LGALS12: variants seen among roughly 807,000 people sequenced by gnomAD.
The protein encoded by LGALS12 is galectin-12.
A neutral mutation model predicts 36.8 loss-of-function variants in LGALS12; 36 were observed. That is an observed-to-expected ratio of 0.98 (90% confidence interval 0.75 to 1.29). The LOEUF is 1.29. Ranked by LOEUF, LGALS12 falls within the 50% of genes most tolerant of loss-of-function variation. The probability of loss-of-function intolerance (pLI) is 0.00; values close to 1 mark genes in which losing one functional copy is unlikely to be tolerated. For missense variants in LGALS12, 366 were observed against 394.3 expected (o/e 0.93, Z 0.61); for synonymous variants, 145 against 155.9 (o/e 0.93, Z 0.52).
intron 1 of LGALS12, chr11:63,508,115 T>G: frequency 9.7e-7 from 1 of 1,028,724 alleles, no homozygotes; most frequent in Non-Finnish European, 1.2e-6. Context: ...CATTTCAGAG[T>G]TAGCTGTCAG....
At chr11:63,510,035 G>A (rs1348633124) in intron 4 of LGALS12, 138 bp downstream of exon 4, 2 of 1,082,182 alleles carry the variant, frequency 1.8e-6, no homozygotes, top group Admixed American at 5.6e-5. Context: ...CAAGGGGGAG[G>A]GAGTCCACTG....
At chr11:63,514,576 A>G (rs11231510) in intron 7 of LGALS12, among the ~76,000 whole-genome samples, 24,746 of 152,098 alleles carry the variant, frequency 0.16, 2,195 homozygotes, top group South Asian at 0.27. Context: ...TCTCAAAAAA[A>G]TAAAATAAAA....
At chr11:63,508,245 C>T in intron 1 of LGALS12, 1 of 1,221,006 alleles carries the variant, frequency 8.2e-7, no homozygotes, top group Non-Finnish European at 1.0e-6. Flanking sequence ...GATGGCAAGC[C>T]TCCCTGGGGT....
intron 8 of LGALS12, 100 bp from the exon 9 acceptor site, chr11:63,516,147 G>C (rs555698703): frequency 7.0e-7 from 1 of 1,435,218 alleles, no homozygotes; most frequent in East Asian, 2.3e-5. Context: ...TCCAGTCTTC[G>C]TGTCCTATGA....
chr11:63,506,598 T>C lies in LGALS12; in HGVS notation c.69+71T>C, dbSNP rs2016750081. On this transcript the variant is annotated intron_variant, in intron 1 of 8. Coordinates refer to ENST00000394618, the MANE Select transcript of LGALS12 (RefSeq NM_033101.4). ...TCCCTTCCAACTGGGCCCACACTCCTGGGTGGTGGGGTGGAAAGGACCTCA... is the reference window on the plus strand; with the variant it reads ...TCCCTTCCAACTGGGCCCACACTCCCGGGTGGTGGGGTGGAAAGGACCTCA... The C allele has an allele frequency of 8.2e-6, 13 of 1,588,552 alleles. No individual in the cohort carries two copies. The Admixed American group carries it at 1.7e-4, about 21-fold the overall frequency.
chr11:63,508,692 A>C lies in LGALS12; in HGVS notation c.158+51A>C, dbSNP rs762928071. The C allele has an allele frequency of 9.3e-6, 15 of 1,613,578 alleles. No homozygotes were observed. In the South Asian group the frequency reaches 1.6e-4, roughly 18 times the overall value. On this transcript the variant is annotated intron_variant, in intron 2 of 8. Transcript: ENST00000394618. ...GGTGCTGGAGCTCAGCCCTAGAGGC[A>C]TCGAGCTGGAGGGCTCCTCCCTGCC...
chr11:63,516,300 G>T lies in LGALS12; in HGVS notation c.852G>T (p.Gly284=), dbSNP rs780906143. The change falls in exon 9 of 9, where the codon GGG becomes GGT. Residue 284 remains glycine (G), a synonymous_variant. Coordinates refer to ENST00000394618, the MANE Select transcript of LGALS12 (RefSeq NM_033101.4). ...TGAAGCTGGCGCTCAATGGGCAGGG[G>T]CTGGGGGCCACCAGCATGAACCAGC... ...GGLKLALNGQ[G]LGATSMNQQA... 7 of 1,611,370 alleles carry T rather than the reference G, an allele frequency of 4.3e-6. No homozygotes were observed. Among genetic ancestry groups the T allele is most frequent in the Non-Finnish European group, 5.1e-6 (6 of 1,178,806 alleles).
chr11:63,516,343 C>T lies in LGALS12; in HGVS notation c.895C>T (p.Arg299Trp), dbSNP rs768128889. ...GAACCAGCAGGCCCTGGAGCAGCTG[C>T]GGGAGCTCCGGATCAGTGGAAGTGT... ...SMNQQALEQL[R>W]ELRISGSVQL... Residue 299 changes from arginine (R) to tryptophan (W), a missense_variant, in exon 9 of 9, where the codon CGG (arginine) becomes TGG (tryptophan). Arg to Trp is a moderately radical substitution (Grantham distance 101). Coordinates refer to ENST00000394618, the MANE Select transcript of LGALS12 (RefSeq NM_033101.4). 2.6e-5 allele frequency: 42 copies of T among 1,613,602 alleles called. No individual in the cohort carries two copies. Among genetic ancestry groups the T allele is most frequent in the African/African-American group, 1.2e-4 (9 of 74,908 alleles).
chr11:63,511,711 C>A (rs1334017520), intron 6 of LGALS12, 41 bp from the exon 7 acceptor site: 1 of 1,469,550 alleles, frequency 6.8e-7, no homozygotes, highest in East Asian at 2.3e-5. Context: ...TCCCCAGTCC[C>A]CCTGGAAGTC....
Sources: gnomAD v4.1 joint callset for allele counts (sites outside exome capture counted in the v4.1 genomes callset) on GRCh38, gnomAD v4.1.1 for gene constraint, MANE v1.5 for transcripts, NCBI Gene and HGNC (gene_info 2026-07-23, HGNC 2026-07-21) for gene names.